PROCR: variants seen among roughly 807,000 people sequenced by gnomAD.
PROCR encodes the protein endothelial protein C receptor.
A neutral mutation model predicts 24.2 loss-of-function variants in PROCR; 22 were observed. That is an observed-to-expected ratio of 0.91 (90% CI 0.65 to 1.30). PROCR has a LOEUF of 1.30. PROCR is among the 50% of genes most tolerant of loss of function. The probability of loss-of-function intolerance (pLI) is 0.00; values close to 1 mark genes in which losing one functional copy is unlikely to be tolerated. For missense variants in PROCR, 288 were observed against 307.7 expected, an observed-to-expected ratio of 0.94 and a Z score of 0.48; for synonymous variants, 137 against 139.2, an observed-to-expected ratio of 0.98 and a Z score of 0.11.
At chr20:35,202,156 CT>C (rs1170847978) in intron 1 of PROCR, 1 of 152,142 alleles carries the variant, frequency 6.6e-6, no homozygotes, top group South Asian at 2.1e-4. Context: ...AGATCATATT[CT>C]GGGTCATAAA....
Position 35,201,048 on chromosome 20 carries a change from A to G in PROCR, c.95-14845A>G, listed in dbSNP as rs147784487. On this transcript the variant is annotated intron_variant, in intron 1 of 1. Transcript: ENST00000634509. ...GAAGTGGTCTAGAACTGAACCTGCA[A>G]TATTTCCAAGGTATGCCTGTAGTTG... Among the ~76,000 whole-genome samples, 114 of 152,260 alleles carry G rather than the reference A, an allele frequency of 7.5e-4. 3 individuals are homozygous for G. The East Asian group carries it at 0.021, about 28-fold the overall frequency.
chr20:35,171,792 C>A (rs191888006), upstream of PROCR, among the ~76,000 whole-genome samples: 92 of 152,184 alleles, frequency 6.0e-4, no homozygotes, highest in African/African-American at 2.1e-3. Context: ...TGCCCCACCC[C>A]CTGAGTCAGC....
intron 1 of PROCR, chr20:35,195,476 A>AACAT (rs2086207597): frequency 6.6e-6 from 1 of 152,200 alleles, no homozygotes. Context: ...GTACCGATAA[A>AACAT]ATTTTGTAAT....
At chr20:35,192,134 G>T (rs898705695) in intron 1 of PROCR, among the ~76,000 whole-genome samples, 1 of 152,228 alleles carries the variant, frequency 6.6e-6, no homozygotes, top group Non-Finnish European at 1.5e-5. Context: ...CTACACTGCT[G>T]TTGGTAAGGT....
In PROCR at chr20:35,205,752, A is replaced by AATATATATATATATAT. The variant is rs200029202; in HGVS notation, c.95-10120_95-10105dup. On this transcript the variant is annotated intron_variant, in intron 1 of 1. Coordinates refer to the PROCR transcript ENST00000634509. ...GGCAACAAGGACAAAACTCTGTCTA[A>AATATATATATATATAT]ATATATATATATATATATATATATA... Among the ~76,000 whole-genome samples the AATATATATATATATAT allele has an allele frequency of 7.7e-3, 788 of 102,256 alleles. 5 individuals are homozygous for AATATATATATATATAT. The highest frequency in any genetic ancestry group is 0.011 in the African/African-American group (222 of 20,348). The allele number at this position is 102,256 out of a possible 152,430, so 67.1% of individuals were successfully genotyped here. A position where few individuals can be genotyped will look rare whatever the true frequency, so the allele number is the denominator to read the frequency against.
chr20:35,172,091 TGCAGCCAGCGGAGCCC>T lies in PROCR; in HGVS notation c.-57_-42del. ...GTCCTCACTTCTCTTTTCCCTAGAC[TGCAGCCAGCGGAGCCC>T]GCAGCCGGCCCGAGCCAGGAACCCA... On this transcript the variant is annotated 5_prime_UTR_variant, in exon 1 of 4. Transcript: ENST00000216968. The T allele has an allele frequency of 1.3e-6, 2 of 1,513,038 alleles. No individual in the cohort carries two copies. The highest frequency in any genetic ancestry group is 1.8e-6 in the Non-Finnish European group (2 of 1,088,438). 93.7% of individuals were successfully genotyped at this position (1,513,038 alleles called of 1,614,324 possible).
At chr20:35,202,061 A>G (rs1214806023) in intron 1 of PROCR, 1 of 152,236 alleles carries the variant, frequency 6.6e-6, no homozygotes, top group Non-Finnish European at 1.5e-5. Context: ...CTGGTTTAAT[A>G]TAATGGACAT....
intron 1 of PROCR, among the ~76,000 whole-genome samples, chr20:35,183,131 TATA>T (rs1191224492): frequency 1.3e-5 from 2 of 152,238 alleles, no homozygotes; most frequent in African/African-American, 4.8e-5. Flanking sequence ...GTAAGATAGA[TATA>T]ATCATTTTAG....
chr20:35,177,562 C>T (rs904927087), downstream of PROCR, among the ~76,000 whole-genome samples: 1 of 151,170 alleles, frequency 6.6e-6, no homozygotes, highest in Non-Finnish European at 1.5e-5. Flanking sequence ...ATTCTCCTGC[C>T]TCAGCCTCCC....
intron 1 of PROCR, among the ~76,000 whole-genome samples, chr20:35,194,496 T>C (rs1040903709): frequency 1.5e-4 from 23 of 151,946 alleles, no homozygotes; most frequent in African/African-American, 5.6e-4. Flanking sequence ...ATAAAAGAGG[T>C]TAGACTCCAA....
rs191389959 is a variant in PROCR, at chr20:35,196,135, T to C, written c.94+19689T>C. Among the ~76,000 whole-genome samples the C allele has an allele frequency of 5.2e-3, 673 of 129,158 alleles. 3 individuals are homozygous for C. Among genetic ancestry groups the C allele is most frequent in the Admixed American group, 0.013 (133 of 10,056 alleles). 84.7% of individuals were successfully genotyped at this position (129,158 alleles called of 152,430 possible). On this transcript the variant is annotated intron_variant, in intron 1 of 1. Coordinates refer to the PROCR transcript ENST00000634509. ...AGGCAGAGGTTGCAGTGAGCCAGGA[T>C]TGGGCCACTGCACTCCAGCCTGGGC...
chr20:35,177,482 T>C (rs1325256487), downstream of PROCR: 21 of 828,958 alleles, frequency 2.5e-5, no homozygotes, highest in Admixed American at 7.8e-5. Context: ...AGAGTCTTGC[T>C]CTGTTGCCTA....
chr20:35,203,635 G>GA (rs958562914), intron 1 of PROCR, among the ~76,000 whole-genome samples: 10 of 150,376 alleles, frequency 6.7e-5, no homozygotes, highest in Admixed American at 2.0e-4. Flanking sequence ...AGAAAAAAAA[G>GA]AAAAAAAAGA....
chr20:35,205,869 A>C (rs565727352), intron 1 of PROCR, among the ~76,000 whole-genome samples: 4 of 145,302 alleles, frequency 2.8e-5, no homozygotes, highest in Admixed American at 2.1e-4. Flanking sequence ...ACATATGTAT[A>C]CATGTATATA....
rs2060376234 is a variant in PROCR at position 35,214,914 on chromosome 20, T to TC, written c.95-979_95-978insC. ...ACCTCCCATTTTCTTTTTCTTTTTT[T>TC]TTTTTTTTTTGAGATGGAGTCTCAC... On this transcript the variant is annotated intron_variant, in intron 1 of 1. Transcript: ENST00000634509. 2.0e-5 allele frequency among the ~76,000 whole-genome samples: 3 copies of TC among 147,440 alleles called. No individual in the cohort carries two copies. The South Asian group carries it at 6.6e-4, about 33-fold the overall frequency.
chr20:35,176,058 C>T, intron 2 of PROCR, 110 bp from the exon 3 acceptor site: 4 of 1,286,622 alleles, frequency 3.1e-6, no homozygotes, highest in Non-Finnish European at 4.5e-6. Context: ...ACTCCCCTCT[C>T]CTCACAGCAC....
intron 1 of PROCR, among the ~76,000 whole-genome samples, chr20:35,203,613 T>C (rs897748443): frequency 2.0e-5 from 3 of 147,958 alleles, no homozygotes; most frequent in African/African-American, 5.0e-5. Context: ...CAAGACTCTG[T>C]CTCAAAAAAA....
downstream of PROCR, among the ~76,000 whole-genome samples, chr20:35,178,601 C>T (rs1245786068): frequency 1.8e-4 from 18 of 99,168 alleles, no homozygotes; most frequent in African/African-American, 4.8e-4. Flanking sequence ...CTGCAAGCTC[C>T]GCCTCCCGGG....
At chr20:35,195,680 G>T (rs546261503) in intron 1 of PROCR, among the ~76,000 whole-genome samples, 2 of 151,664 alleles carry the variant, frequency 1.3e-5, no homozygotes, top group Non-Finnish European at 2.9e-5. Flanking sequence ...AATTAGCCAG[G>T]TGTGGTGGTG....
Sources: allele counts gnomAD v4.1 joint callset (sites outside exome capture counted in the v4.1 genomes callset), GRCh38; gene constraint gnomAD v4.1.1; transcripts MANE v1.5; gene names NCBI Gene and HGNC (gene_info 2026-07-23, HGNC 2026-07-21).